KATNAL2: variants seen among roughly 807,000 people sequenced by gnomAD.
KATNAL2 encodes katanin p60 ATPase-containing subunit A-like 2.
Under a neutral mutation model 76.3 loss-of-function variants are expected in KATNAL2, and 52 were observed. That is an observed-to-expected ratio of 0.68 (90% confidence interval 0.55 to 0.86). KATNAL2 has a LOEUF of 0.86. KATNAL2 is among the 40% of genes least tolerant of loss of function. KATNAL2 has a pLI of 0.00. For missense variants in KATNAL2, 660 were observed against 668.9 expected, an observed-to-expected ratio of 0.99 and a Z score of 0.15; for synonymous variants, 243 against 244.2, an observed-to-expected ratio of 1.00 and a Z score of 0.05.
At chr18:46,957,614 G>A (rs2146764086) in intron 3 of KATNAL2, among the ~76,000 whole-genome samples, 1 of 129,388 alleles carries the variant, frequency 7.7e-6, no homozygotes, top group Non-Finnish European at 1.6e-5. Context: ...CCAGGCTGGA[G>A]TGCAATGGCA....
At chr18:46,925,718 T>A (rs2058707382) in intron 1 of KATNAL2, among the ~76,000 whole-genome samples, 1 of 151,978 alleles carries the variant, frequency 6.6e-6, no homozygotes, top group South Asian at 2.1e-4. Flanking sequence ...GGTCCTGGAC[T>A]TTTTTTTGGT....
At chr18:47,091,318 T>C (rs1037878411) in intron 15 of KATNAL2, 2 of 152,212 alleles carry the variant, frequency 1.3e-5, no homozygotes, top group African/African-American at 4.8e-5. Context: ...CTGTGAGTCT[T>C]TGCTGCATTT....
At chr18:46,949,761 A>G (rs1009127723) in intron 3 of KATNAL2, among the ~76,000 whole-genome samples, 6 of 152,188 alleles carry the variant, frequency 3.9e-5, no homozygotes, top group Non-Finnish European at 8.8e-5. Context: ...TCTATATTGT[A>G]TCTTTAATAA....
At position 47,032,879 on chromosome 18, in the gene KATNAL2, A is replaced by G. The variant is rs577593464; in HGVS notation, c.52-13578A>G. 2.6e-5 allele frequency: 41 copies of G among 1,569,190 alleles called. No homozygotes were observed. In the African/African-American group the frequency reaches 4.2e-4, roughly 16 times the overall value. On this transcript the variant is annotated intron_variant, in intron 3 of 17. Transcript: ENST00000683218. ...CCAGCACATGACACCTGCAGAATTC[A>G]AAGGCTCAACTTTGCACCAAGTTAA...
At chr18:46,931,519 C>T (rs192979072) in intron 1 of KATNAL2, among the ~76,000 whole-genome samples, 67 of 151,492 alleles carry the variant, frequency 4.4e-4, no homozygotes, top group African/African-American at 1.5e-3. Context: ...TGGGCGTGGT[C>T]GCACACACCT....
chr18:47,054,403 T>C lies in KATNAL2; in HGVS notation c.297T>C (p.Asn99=). The C allele has an allele frequency of 6.2e-7, 1 of 1,613,358 alleles. No individual in the cohort carries two copies. Among genetic ancestry groups the C allele is most frequent in the Non-Finnish European group, 8.5e-7 (1 of 1,179,382 alleles). The change falls in exon 6 of 18, where the codon AAT becomes AAC. Residue 99 remains asparagine (N), a synonymous_variant. Coordinates refer to ENST00000683218, the MANE Select transcript of KATNAL2 (RefSeq NM_001387690.1). The stretch of plus-strand genomic sequence containing the variant: ...ATGTCTGTTTTGTCACAGCAGAAAA[T>C]AATTTACCGCAAAGAAGTAGAGGGA... ...IVKKSSDTAE[N]NLPQRSRGKT...
rs1477692403 is a variant in KATNAL2, at chr18:46,955,183, T to TTTCTTTCTTTCTTTCTTTCTTTCC, written c.51+8263_51+8264insTTTCTTTCTTTCTTTCTTTCCTTC. 1.6e-3 allele frequency among the ~76,000 whole-genome samples: 232 copies of TTTCTTTCTTTCTTTCTTTCTTTCC among 147,516 alleles called. 1 individual carries two copies. Among genetic ancestry groups the TTTCTTTCTTTCTTTCTTTCTTTCC allele is most frequent in the Non-Finnish European group, 2.1e-3 (137 of 66,624 alleles). Reference sequence around the variant, plus strand: ...CTTTCTTTCTTTCTTTCTTTCTTTCTTTCCTCTCTCTTTTTCTTTCTCTCT... The same window carrying TTTCTTTCTTTCTTTCTTTCTTTCC: ...CTTTCTTTCTTTCTTTCTTTCTTTCTTTCTTTCTTTCTTTCTTTCTTTCCTTCCTCTCTCTTTTTCTTTCTCTCT... On this transcript the variant is annotated intron_variant, in intron 3 of 17. Coordinates refer to ENST00000683218, the MANE Select transcript of KATNAL2 (RefSeq NM_001387690.1).
At chr18:47,076,803 AT>A (rs977603578) in intron 14 of KATNAL2, among the ~76,000 whole-genome samples, 1 of 148,014 alleles carries the variant, frequency 6.8e-6, no homozygotes, top group Non-Finnish European at 1.5e-5. Flanking sequence ...TAAATTATAT[AT>A]ATATATATAT....
chr18:47,037,728 C>A (rs1201171169), intron 3 of KATNAL2, among the ~76,000 whole-genome samples: 1 of 152,136 alleles, frequency 6.6e-6, no homozygotes, highest in African/African-American at 2.4e-5. Context: ...TCTTTTCCTG[C>A]TTTACTCTTA....
At position 47,077,353 on chromosome 18, in the gene KATNAL2, G is replaced by T. The variant is rs765923494; in HGVS notation, c.1103G>T (p.Gly368Val). Residue 368 changes from glycine to valine, a missense_variant and splice_region_variant, in exon 15 of 18, where the codon GGA becomes GTA. Transcript: ENST00000683218. ...VMSQRGTASG[G>V]EHEGSLRMKT... Reference sequence around the variant, plus strand: ...AATCACGTCTTGTCTCTCTGTAGGGGAGAACATGAAGGAAGCCTGCGGATG... The same window carrying T: ...AATCACGTCTTGTCTCTCTGTAGGGTAGAACATGAAGGAAGCCTGCGGATG... 1.9e-6 allele frequency: 3 copies of T among 1,612,302 alleles called. No homozygotes were observed. Among genetic ancestry groups the T allele is most frequent in the Non-Finnish European group, 2.5e-6 (3 of 1,178,344 alleles).
At chr18:47,071,259 C>A (rs1488652322) in intron 13 of KATNAL2, among the ~76,000 whole-genome samples, 2 of 152,144 alleles carry the variant, frequency 1.3e-5, no homozygotes, top group African/African-American at 2.4e-5. Flanking sequence ...CTCGGGCTCC[C>A]AAAATGCTGG....
chr18:47,034,452 G>A (rs147087992), intron 3 of KATNAL2: 1 of 1,614,188 alleles, frequency 6.2e-7, no homozygotes, highest in East Asian at 2.2e-5. Context: ...GCCTGTCCCT[G>A]GCACTTGCCC....
intron 3 of KATNAL2, among the ~76,000 whole-genome samples, chr18:46,953,437 G>A (rs1398320571): frequency 2.0e-5 from 3 of 152,130 alleles, no homozygotes; most frequent in African/African-American, 7.2e-5. Flanking sequence ...GCCAGAGGTC[G>A]AGACCAGCCT....
chr18:47,063,443 A>C (rs1469416794), intron 10 of KATNAL2, 82 bp downstream of exon 10: 1 of 987,542 alleles, frequency 1.0e-6, no homozygotes, highest in Admixed American at 2.3e-5. Context: ...TTTTATTAAT[A>C]ACAATAAATA....
At chr18:46,957,982 C>T (rs2059815989) in intron 3 of KATNAL2, among the ~76,000 whole-genome samples, 1 of 152,166 alleles carries the variant, frequency 6.6e-6, no homozygotes, top group Admixed American at 6.5e-5. Context: ...AGGTGTGAGC[C>T]ACCGCACCTG....
intron 3 of KATNAL2, among the ~76,000 whole-genome samples, chr18:47,038,810 A>G (rs1007244554): frequency 6.6e-6 from 1 of 152,242 alleles, no homozygotes; most frequent in Non-Finnish European, 1.5e-5. Context: ...TTGTATATAT[A>G]TTGCAAATTA....
chr18:47,033,837 C>T lies in KATNAL2; in HGVS notation c.52-12620C>T, dbSNP rs767997205. 9.9e-6 allele frequency: 16 copies of T among 1,614,124 alleles called. No homozygotes were observed. The East Asian group carries it at 2.7e-4, about 27-fold the overall frequency. On this transcript the variant is annotated intron_variant, in intron 3 of 17. Transcript: ENST00000683218. ...AGGTCATGGAGTCAGAATCCGAAAG[C>T]GGATCGTAGTTGGCCTGCATCCAGG...
intron 15 of KATNAL2, chr18:47,098,146 A>G (rs1409785200): frequency 2.0e-5 from 6 of 295,920 alleles, no homozygotes; most frequent in South Asian, 1.9e-4. Context: ...ATAGATGTTC[A>G]ATTGTTTTAT....
At chr18:46,939,565 TG>T (rs1471038382) in intron 1 of KATNAL2, among the ~76,000 whole-genome samples, 2 of 152,162 alleles carry the variant, frequency 1.3e-5, no homozygotes, top group Non-Finnish European at 2.9e-5. Flanking sequence ...ATGTCAACTT[TG>T]TTTTCCTTCT....
Sources: gnomAD v4.1 joint callset for allele counts (sites outside exome capture counted in the v4.1 genomes callset) on GRCh38, gnomAD v4.1.1 for gene constraint, MANE v1.5 for transcripts, NCBI Gene and HGNC (gene_info 2026-07-23, HGNC 2026-07-21) for gene names.